Variants in INTS3 observed in about 807,000 individuals in gnomAD.
INTS3 encodes the protein integrator complex subunit 3, also known as SOSS complex subunit A.
A neutral mutation model predicts 146.3 loss-of-function variants in INTS3; 34 were observed. The ratio of observed to expected loss-of-function variants is 0.23; its 90% CI spans 0.18 to 0.31. The LOEUF (loss-of-function observed/expected upper bound fraction) is 0.31, where lower values mean the gene tolerates loss of function less well. Ranked by LOEUF, INTS3 falls within the 10% of genes least tolerant of loss-of-function variation. INTS3 has a pLI of 1.00. For missense variants in INTS3, 757 were observed against 1,304.2 expected, an observed-to-expected ratio of 0.58 and a Z score of 6.46; for synonymous variants, 475 against 494.9, an observed-to-expected ratio of 0.96 and a Z score of 0.53.
intron 6 of INTS3, 26 bp from the exon 7 acceptor site, chr1:153,751,069 G>A (rs1671940755): frequency 6.2e-7 from 1 of 1,613,030 alleles, no homozygotes; most frequent in Non-Finnish European, 8.5e-7. Context: ...ACAGAGCATA[G>A]GAGCCAGTGT....
At chr1:153,770,848 T>A in intron 25 of INTS3, 115 bp downstream of exon 25, 2 of 773,610 alleles carry the variant, frequency 2.6e-6, no homozygotes, top group South Asian at 1.5e-5. Context: ...GTCGTTAACA[T>A]CTGCTTATTC....
chr1:153,758,471 T>C (rs1478039146), intron 10 of INTS3, among the ~76,000 whole-genome samples: 5 of 152,174 alleles, frequency 3.3e-5, no homozygotes, highest in African/African-American at 7.2e-5. Context: ...GTCCAAGCAT[T>C]GTCCCCTATG....
chr1:153,758,083 C>A (rs1334525466), intron 10 of INTS3, among the ~76,000 whole-genome samples: 1 of 152,208 alleles, frequency 6.6e-6, no homozygotes, highest in Non-Finnish European at 1.5e-5. Flanking sequence ...TTAACTGTTT[C>A]TTTCTCAGAT....
chr1:153,739,846 G>A (rs1007555580), intron 1 of INTS3, among the ~76,000 whole-genome samples: 8 of 151,786 alleles, frequency 5.3e-5, no homozygotes, highest in Non-Finnish European at 1.0e-4. Flanking sequence ...CCAGGCTGGA[G>A]TGCAGTGGCA....
At chr1:153,745,061 A>G (rs940573684) in intron 3 of INTS3, among the ~76,000 whole-genome samples, 4 of 151,798 alleles carry the variant, frequency 2.6e-5, no homozygotes, top group African/African-American at 9.7e-5. Flanking sequence ...GTTGTTATGT[A>G]TATCAAATGC....
At chr1:153,734,330 C>T (rs1418378650) in intron 1 of INTS3, among the ~76,000 whole-genome samples, 1 of 152,140 alleles carries the variant, frequency 6.6e-6, no homozygotes, top group Non-Finnish European at 1.5e-5. Flanking sequence ...TCCTTTGTCA[C>T]CCTGAATGAT....
In INTS3 at chr1:153,748,729, T is replaced by A; in HGVS notation, c.558T>A (p.Ser186Arg). The A allele has an allele frequency of 6.2e-7, 1 of 1,614,114 alleles. No homozygotes were observed. The highest frequency in any genetic ancestry group is 8.5e-7 in the Non-Finnish European group (1 of 1,180,004). ...VTAKNIWLAE[S>R]VLDILTEQRE... ...CCAAAAATATCTGGTTGGCAGAAAG[T>A]GTTCTGGATATCCTGACAGAGCAAA... Residue 186 changes from serine to arginine, a missense_variant, in exon 6 of 30, where the codon AGT (serine) becomes AGA (arginine). Ser to Arg is a moderately radical substitution (Grantham distance 110). Around this residue, in one of 8 missense-constraint regions of INTS3, gnomAD observed 134 missense variants for 243.1 expected, o/e 0.55. Coordinates refer to ENST00000318967, the MANE Select transcript of INTS3 (RefSeq NM_023015.5).
Position 153,751,191 on chromosome 1 carries a change from C to T in INTS3, c.681C>T (p.Ala227=), listed in dbSNP as rs1031995224. ...VDHHGTAQLQ[A]LRQKEVDFCI... ...ACCATGGGACTGCCCAGCTCCAGGC[C>T]CTGCGACAGAAGGAAGTAGACTTCT... Residue 227 remains alanine, a synonymous_variant, in exon 7 of 30, where the codon GCC becomes GCT. Transcript: ENST00000318967. 1.9e-6 allele frequency: 3 copies of T among 1,614,022 alleles called. No individual in the cohort carries two copies. The highest frequency in any genetic ancestry group is 2.5e-6 in the Non-Finnish European group (3 of 1,180,036).
intron 20 of INTS3, chr1:153,767,441 A>G (rs2101826248): frequency 2.3e-6 from 1 of 435,866 alleles, no homozygotes; most frequent in East Asian, 3.6e-5. Context: ...TCACTCACTG[A>G]TCGTGGTTGG....
Position 153,754,719 on chromosome 1 carries a change from C to T in INTS3, c.937C>T (p.Leu313Phe), listed in dbSNP as rs1672097028. Reference protein sequence around the residue: ...CRLTPDMETKLLFMTSRVRFG... With the variant: ...CRLTPDMETKFLFMTSRVRFG... ...TCTAACCCCGGACATGGAGACTAAA[C>T]TCCTCTTCATGACATCCCGGGTAAG... Residue 313 changes from leucine to phenylalanine, a missense_variant, in exon 9 of 30, where the codon CTC (leucine) becomes TTC (phenylalanine). Leu to Phe is a conservative substitution (Grantham distance 22). Coordinates refer to ENST00000318967, the MANE Select transcript of INTS3 (RefSeq NM_023015.5). 2 of 1,609,030 alleles carry T rather than the reference C, an allele frequency of 1.2e-6. No individual in the cohort carries two copies.
At position 153,752,276 on chromosome 1, in the gene INTS3, A is replaced by G; in HGVS notation, c.730-3A>G. ...TGTCCCCCACTTCCTCTTCCCTATC[A>G]AGTTCATGGAATGTCTGATGATTGG... On this transcript the variant is annotated splice_region_variant and splice_polypyrimidine_tract_variant and intron_variant, in intron 7 of 29. Transcript: ENST00000318967. 1 of 1,612,962 alleles carries G rather than the reference A, an allele frequency of 6.2e-7. No homozygotes were observed. Among genetic ancestry groups the G allele is most frequent in the Non-Finnish European group, 8.5e-7 (1 of 1,179,290 alleles).
chr1:153,747,552 T>TAAA, intron 5 of INTS3, 189 bp downstream of exon 5: 3 of 612,204 alleles, frequency 4.9e-6, no homozygotes, highest in Non-Finnish European at 8.8e-6. Flanking sequence ...TGGGGGGCCT[T>TAAA]TTAAAGCAGT....
intron 8 of INTS3, chr1:153,753,687 G>A (rs1415401551): frequency 7.5e-6 from 1 of 132,936 alleles, no homozygotes; most frequent in African/African-American, 2.8e-5. Context: ...ACGGAGTCTT[G>A]CTCTGTCCCT....
chr1:153,731,143 A>T (rs1028910940), intron 1 of INTS3, among the ~76,000 whole-genome samples: 2 of 152,134 alleles, frequency 1.3e-5, no homozygotes, highest in African/African-American at 4.8e-5. Flanking sequence ...GAAGCTTATC[A>T]TCTAATGGCT....
chr1:153,764,449 C>T (rs1398991626), intron 18 of INTS3, among the ~76,000 whole-genome samples: 1 of 152,190 alleles, frequency 6.6e-6, no homozygotes, highest in Non-Finnish European at 1.5e-5. Context: ...CTGCTGGGCC[C>T]AGTAACTCTA....
At chr1:153,758,399 G>A (rs893642881) in intron 10 of INTS3, among the ~76,000 whole-genome samples, 1 of 152,176 alleles carries the variant, frequency 6.6e-6, no homozygotes, top group Non-Finnish European at 1.5e-5. Flanking sequence ...GCCCAGAAAG[G>A]GCAGCCAAGG....
chr1:153,743,808 ATGTCAAGGTC>A (rs895884501), intron 3 of INTS3, among the ~76,000 whole-genome samples: 6 of 152,114 alleles, frequency 3.9e-5, no homozygotes. Flanking sequence ...AAAGGGTCTA[ATGTCAAGGTC>A]TGTCTTCATC....
At chr1:153,764,789 C>A in intron 19 of INTS3, 55 bp downstream of exon 19, 2 of 1,524,722 alleles carry the variant, frequency 1.3e-6, no homozygotes, top group Non-Finnish European at 1.8e-6. Context: ...CCTGACAGCA[C>A]ACACATGTGC....
chr1:153,733,846 G>T (rs963719215), intron 1 of INTS3, among the ~76,000 whole-genome samples: 1 of 150,408 alleles, frequency 6.6e-6, no homozygotes, highest in South Asian at 2.1e-4. Context: ...CTCGTGATTC[G>T]CCCCCCTCAG....
Sources: allele counts gnomAD v4.1 joint callset (sites outside exome capture counted in the v4.1 genomes callset), GRCh38; gene constraint gnomAD v4.1.1; regional missense constraint gnomAD v4.1.1; transcripts MANE v1.5; gene names NCBI Gene and HGNC (gene_info 2026-07-23, HGNC 2026-07-21).